Variants in CCDC102B observed in about 807,000 individuals in gnomAD.
The protein encoded by CCDC102B is coiled-coil domain-containing protein 102B.
In CCDC102B, 75 loss-of-function variants were observed where a neutral mutation model predicts 57.4. The ratio of observed to expected loss-of-function variants is 1.31; its 90% CI spans 1.08 to 1.58. The LOEUF is 1.58. Ranked by LOEUF, CCDC102B falls within the 40% of genes most tolerant of loss-of-function variation. The pLI is 0.00. For missense variants in CCDC102B, 636 were observed against 582.6 expected (o/e 1.09, Z -0.94); for synonymous variants, 206 against 201.9 (o/e 1.02, Z -0.17).
At chr18:69,046,376 T>C (rs1248861605) in intron 7 of CCDC102B, among the ~76,000 whole-genome samples, 1 of 152,202 alleles carries the variant, frequency 6.6e-6, no homozygotes, top group African/African-American at 2.4e-5. Context: ...AATATGCTTA[T>C]TGGATGCATG....
chr18:68,983,357 A>G (rs1488701425), intron 6 of CCDC102B, among the ~76,000 whole-genome samples: 1 of 152,024 alleles, frequency 6.6e-6, no homozygotes, highest in Non-Finnish European at 1.5e-5. Context: ...AGGAAAAAAT[A>G]TAACTTGGCA....
intron 6 of CCDC102B, among the ~76,000 whole-genome samples, chr18:69,006,184 C>T (rs2051335325): frequency 6.6e-6 from 1 of 151,976 alleles, no homozygotes; most frequent in South Asian, 2.1e-4. Flanking sequence ...AATAGTACAT[C>T]TATATGAAAG....
chr18:68,738,880 A>G (rs914091166), intron 2 of CCDC102B, among the ~76,000 whole-genome samples: 21 of 152,008 alleles, frequency 1.4e-4, no homozygotes, highest in African/African-American at 4.6e-4. Context: ...CTCTGACTGC[A>G]CATTCAGCAC....
chr18:68,905,969 ATT>A (rs1451935400), intron 6 of CCDC102B, among the ~76,000 whole-genome samples: 1 of 151,152 alleles, frequency 6.6e-6, no homozygotes, highest in African/African-American at 2.4e-5. Context: ...AATTTTTTGT[ATT>A]TTTAGTAGAG....
At chr18:68,756,724 C>T (rs2034063463) in intron 2 of CCDC102B, among the ~76,000 whole-genome samples, 1 of 152,158 alleles carries the variant, frequency 6.6e-6, no homozygotes, top group South Asian at 2.1e-4. Context: ...TGAAGTATTA[C>T]TTCTGAGGAA....
chr18:68,985,981 T>C (rs550043145), intron 6 of CCDC102B, among the ~76,000 whole-genome samples: 1 of 152,110 alleles, frequency 6.6e-6, no homozygotes, highest in Non-Finnish European at 1.5e-5. Context: ...AAAATATTAC[T>C]CAAGTGATAA....
At chr18:68,769,316 T>C (rs982591859) in intron 2 of CCDC102B, among the ~76,000 whole-genome samples, 1 of 151,500 alleles carries the variant, frequency 6.6e-6, no homozygotes, top group African/African-American at 2.4e-5. Flanking sequence ...CAGAAGGGGA[T>C]GAAAGCTATT....
intron 4 of CCDC102B, among the ~76,000 whole-genome samples, chr18:68,863,255 A>G (rs144268693): frequency 1.3e-4 from 19 of 151,704 alleles, no homozygotes; most frequent in African/African-American, 4.3e-4. Context: ...TAGATCATTT[A>G]TCCTGTAGAG....
At chr18:68,764,899 T>A (rs2034372975) in intron 2 of CCDC102B, among the ~76,000 whole-genome samples, 1 of 148,338 alleles carries the variant, frequency 6.7e-6, no homozygotes, top group Admixed American at 6.7e-5. Context: ...AAAAAAAAAA[T>A]AGCTGGGCGT....
intron 2 of CCDC102B, among the ~76,000 whole-genome samples, chr18:68,739,657 A>G (rs2033300038): frequency 6.6e-6 from 1 of 152,216 alleles, no homozygotes; most frequent in South Asian, 2.1e-4. Context: ...TCATATCTCT[A>G]ATTCCACTAT....
At chr18:68,877,478 C>T (rs953335706) in intron 5 of CCDC102B, among the ~76,000 whole-genome samples, 20 of 152,328 alleles carry the variant, frequency 1.3e-4, no homozygotes, top group African/African-American at 4.8e-4. Flanking sequence ...TACAATTCTT[C>T]TAAGACCCTG....
chr18:68,784,843 T>A (rs536975052), intron 2 of CCDC102B, among the ~76,000 whole-genome samples: 2 of 152,126 alleles, frequency 1.3e-5, no homozygotes, highest in South Asian at 4.2e-4. Context: ...ACTTTTTTTT[T>A]TTATTAAAGT....
chr18:68,837,168 T>C lies in CCDC102B; in HGVS notation c.405T>C (p.Ser135=), dbSNP rs1431517859. 3 of 1,614,024 alleles carry C rather than the reference T, an allele frequency of 1.9e-6. No individual in the cohort carries two copies. The highest frequency in any genetic ancestry group is 1.3e-5 in the African/African-American group (1 of 74,962). ...IKLEMAMKEL[S]TLKKKQSLPP... ...TAGAGATGGCGATGAAAGAATTGAG[T>C]ACACTGAAAAAGAAACAGAGTTTGC... The change falls in exon 2 of 8, where the codon AGT becomes AGC. Residue 135 remains serine, a synonymous_variant. Transcript: ENST00000360242.
chr18:68,805,267 A>G (rs2035993090), intron 1 of CCDC102B, among the ~76,000 whole-genome samples: 1 of 152,198 alleles, frequency 6.6e-6, no homozygotes. Context: ...AATGTTTGTG[A>G]TTTAATCAGG....
intron 1 of CCDC102B, among the ~76,000 whole-genome samples, chr18:68,836,095 T>C (rs1395951462): frequency 6.6e-6 from 1 of 152,164 alleles, no homozygotes; most frequent in Non-Finnish European, 1.5e-5. Flanking sequence ...ATTATGTAGT[T>C]AGTGGACAAT....
intron 2 of CCDC102B, among the ~76,000 whole-genome samples, chr18:68,745,569 T>A (rs200518363): frequency 6.6e-6 from 1 of 152,304 alleles, no homozygotes; most frequent in East Asian, 1.9e-4. Flanking sequence ...CCTCAAATAT[T>A]TGGTGCTTCT....
intron 2 of CCDC102B, chr18:68,716,633 A>G (rs981794041): frequency 1.3e-5 from 2 of 152,166 alleles, no homozygotes; most frequent in Admixed American, 1.3e-4. Context: ...ATTTTATGAA[A>G]TCTAAATACT....
chr18:68,811,035 T>C (rs1033890346), intron 1 of CCDC102B, among the ~76,000 whole-genome samples: 1 of 152,166 alleles, frequency 6.6e-6, no homozygotes, highest in Non-Finnish European at 1.5e-5. Flanking sequence ...AACTCAACCT[T>C]TTTTATGGCT....
chr18:68,778,163 A>G (rs1761263615), intron 2 of CCDC102B, among the ~76,000 whole-genome samples: 1 of 152,104 alleles, frequency 6.6e-6, no homozygotes, highest in Non-Finnish European at 1.5e-5. Context: ...CCCTCTCCAT[A>G]TTCCAAACTG....
Sources: gnomAD v4.1 joint callset for allele counts (sites outside exome capture counted in the v4.1 genomes callset) on GRCh38, gnomAD v4.1.1 for gene constraint, MANE v1.5 for transcripts, NCBI Gene and HGNC (gene_info 2026-07-23, HGNC 2026-07-21) for gene names.